Variants in PKD2L2 observed in about 807,000 individuals in gnomAD.
PKD2L2 encodes the protein polycystin 2 like 2, transient receptor potential cation channel, also known as polycystin-2-like protein 2.
PKD2L2 carries 67 observed loss-of-function variants against 83.9 expected under a neutral mutation model. The ratio of observed to expected loss-of-function variants is 0.80; its 90% confidence interval spans 0.66 to 0.98. The LOEUF (loss-of-function observed/expected upper bound fraction) is 0.98, where lower values mean the gene tolerates loss of function less well. PKD2L2 is among the 50% of genes least tolerant of loss of function. The pLI is 0.00. For missense variants in PKD2L2, 632 were observed against 717.2 expected (o/e 0.88, Z 1.36); for synonymous variants, 223 against 237.8 (o/e 0.94, Z 0.57).
In PKD2L2 at chr5:137,935,844, G is replaced by GA; in HGVS notation, c.1724dup (p.Tyr576ValfsTer9). On this transcript the variant is annotated frameshift_variant, in exon 13 of 15. Transcript: ENST00000508883. LOFTEE classifies it high-confidence loss of function. Reference sequence around the variant, plus strand: ...TGAAAAAATGGAAAGAGAGGCTTGAGAAAAAGTATTATTCTATGGAAATTC... The same window carrying GA: ...TGAAAAAATGGAAAGAGAGGCTTGAGAAAAAAGTATTATTCTATGGAAATTC... The GA allele has an allele frequency of 6.2e-7, 1 of 1,612,042 alleles. No individual in the cohort carries two copies. Among genetic ancestry groups the GA allele is most frequent in the Non-Finnish European group, 8.5e-7 (1 of 1,178,248 alleles).
intron 12 of PKD2L2, among the ~76,000 whole-genome samples, chr5:137,932,208 C>T (rs1342546356): frequency 9.2e-5 from 14 of 151,852 alleles, no homozygotes; most frequent in African/African-American, 2.7e-4. Context: ...ATTAGCCAGG[C>T]GTGGTGGTGT....
At chr5:137,915,573 C>T (rs1758253115) in intron 8 of PKD2L2, among the ~76,000 whole-genome samples, 1 of 152,188 alleles carries the variant, frequency 6.6e-6, no homozygotes, top group Non-Finnish European at 1.5e-5. Flanking sequence ...CAGGCGTGCG[C>T]CACCATGCCC....
chr5:137,916,836 A>G (rs1758402375), intron 8 of PKD2L2, among the ~76,000 whole-genome samples: 1 of 152,016 alleles, frequency 6.6e-6, no homozygotes, highest in Non-Finnish European at 1.5e-5. Context: ...TGTAGTCTTC[A>G]AAGTTTCTGA....
rs142646452 is a variant in PKD2L2, at chr5:137,928,250, A to C, written c.1671+2321A>C. Among the ~76,000 whole-genome samples the C allele has an allele frequency of 1.2e-3, 187 of 151,406 alleles. 4 individuals are homozygous for C. Among genetic ancestry groups the C allele is most frequent in the Middle Eastern group, 0.011 (3 of 280 alleles). ...TCTATTAGAGGATGAGCATCAGCCA[A>C]CCAAGAGATGACTGGAGAGGCTGGG... On this transcript the variant is annotated intron_variant, in intron 12 of 14. Transcript: ENST00000508883.
chr5:137,906,417 G>C lies in PKD2L2; in HGVS notation c.958G>C (p.Glu320Gln), dbSNP rs746359484. The C allele has an allele frequency of 1.9e-5, 31 of 1,593,680 alleles. No individual in the cohort carries two copies. The highest frequency in any genetic ancestry group is 2.7e-5 in the Non-Finnish European group (31 of 1,163,882). The part of the protein sequence containing the change: ...AYFKSIWNWL[E>Q]LLLLLLCFVA... ...TTTCAAAAGTATTTGGAACTGGCTAGAATTGCTACTTTTGCTGGTGAGTAT... is the reference window on the plus strand; with the variant it reads ...TTTCAAAAGTATTTGGAACTGGCTACAATTGCTACTTTTGCTGGTGAGTAT... Residue 320 changes from glutamate (E) to glutamine (Q), a missense_variant, in exon 6 of 15, where the codon GAA (glutamate) becomes CAA (glutamine). By Grantham distance (29) the Glu-to-Gln change is conservative. Around this residue, in one of 3 missense-constraint regions of PKD2L2, gnomAD observed 399 missense variants for 416.9 expected, o/e 0.96. Coordinates refer to ENST00000508883, the MANE Select transcript of PKD2L2 (RefSeq NM_001300921.2).
At chr5:137,934,840 G>T (rs1760183326) in intron 12 of PKD2L2, among the ~76,000 whole-genome samples, 1 of 151,954 alleles carries the variant, frequency 6.6e-6, no homozygotes, top group Non-Finnish European at 1.5e-5. Context: ...CCGAGATCGT[G>T]CCACTGCACT....
chr5:137,937,535 C>T (rs1363792502), intron 14 of PKD2L2, among the ~76,000 whole-genome samples: 1 of 152,198 alleles, frequency 6.6e-6, no homozygotes, highest in Non-Finnish European at 1.5e-5. Context: ...CATATGTTCT[C>T]TTAGCCCAAG....
chr5:137,937,417 G>GT (rs1416527156), intron 14 of PKD2L2, among the ~76,000 whole-genome samples: 1 of 152,190 alleles, frequency 6.6e-6, no homozygotes, highest in African/African-American at 2.4e-5. Flanking sequence ...TGAGGATGCT[G>GT]TAACAGCCTT....
At chr5:137,907,141 A>T (rs1757435010) in intron 6 of PKD2L2, among the ~76,000 whole-genome samples, 1 of 152,210 alleles carries the variant, frequency 6.6e-6, no homozygotes, top group Non-Finnish European at 1.5e-5. Context: ...TCCCAAAAAC[A>T]GATTGAAGGT....
rs377093424 is a variant in PKD2L2 at position 137,899,638 on chromosome 5, T to C, written c.647T>C (p.Ile216Thr). 6 of 1,613,454 alleles carry C rather than the reference T, an allele frequency of 3.7e-6. No homozygotes were observed. Among genetic ancestry groups the C allele is most frequent in the Admixed American group, 3.3e-5 (2 of 60,004 alleles). ...KSKSETKNKFIDLRLNSWITR... is the reference protein window; with the variant it reads ...KSKSETKNKFTDLRLNSWITR... ...AAATCTGAAACCAAAAACAAGTTCA[T>C]TGACCTTCGACTGAACAGCTGGATC... The change falls in exon 5 of 15, where the codon ATT becomes ACT. Residue 216 changes from isoleucine (I) to threonine (T), a missense_variant. Physicochemically the swap from Ile to Thr is moderately conservative, Grantham distance 89 (BLOSUM62 -1). This residue lies in a region of PKD2L2 where 229 missense variants were observed against 281.5 expected (regional missense o/e 0.81). Transcript: ENST00000508883.
chr5:137,927,675 C>T (rs1392477861), intron 12 of PKD2L2, among the ~76,000 whole-genome samples: 20 of 152,154 alleles, frequency 1.3e-4, no homozygotes. Context: ...ATGGAGCATT[C>T]GTGTTGGTGG....
Position 137,906,281 on chromosome 5 carries a change from T to C in PKD2L2, c.822T>C (p.Tyr274=). 2 of 1,611,876 alleles carry C rather than the reference T, an allele frequency of 1.2e-6. No individual in the cohort carries two copies. Among genetic ancestry groups the C allele is most frequent in the Non-Finnish European group, 1.7e-6 (2 of 1,178,048 alleles). Residue 274 remains tyrosine, a synonymous_variant, in exon 6 of 15, where the codon TAT becomes TAC. Transcript: ENST00000508883. ...WQFYSVKLLR[Y]VSYYDYFIAS... is the part of the protein sequence containing the mutation. ...TTTACTCTGTGAAGCTCCTCAGATA[T>C]GTTAGCTACTATGACTATTTTATTG...
rs1757367400 is a variant in PKD2L2 at position 137,906,378 on chromosome 5, T to C, written c.919T>C (p.Phe307Leu). 1 of 1,611,096 alleles carries C rather than the reference T, an allele frequency of 6.2e-7. No homozygotes were observed. Among genetic ancestry groups the C allele is most frequent in the Admixed American group, 1.7e-5 (1 of 59,924 alleles). ...TTQEVKKIKE[F>L]KSAYFKSIWN... ...ACAAGAAGTCAAAAAAATAAAAGAA[T>C]TTAAGTCTGCCTATTTCAAAAGTAT... Residue 307 changes from phenylalanine (F) to leucine (L), a missense_variant, in exon 6 of 15, where the codon TTT becomes CTT. By Grantham distance (22) the Phe-to-Leu change is conservative. Transcript: ENST00000508883.
chr5:137,900,354 G>A (rs896307602), intron 5 of PKD2L2, among the ~76,000 whole-genome samples: 11 of 152,136 alleles, frequency 7.2e-5, no homozygotes, highest in East Asian at 3.8e-4. Context: ...GTTTTTTATC[G>A]TATTTAGTGC....
intron 8 of PKD2L2, among the ~76,000 whole-genome samples, chr5:137,920,925 G>A (rs1324270373): frequency 1.3e-5 from 2 of 152,244 alleles, no homozygotes; most frequent in African/African-American, 4.8e-5. Context: ...GAAAGTTTAG[G>A]GCTCTTGGGT....
chr5:137,915,913 A>G (rs1274804072), intron 8 of PKD2L2, among the ~76,000 whole-genome samples: 6 of 152,202 alleles, frequency 3.9e-5, no homozygotes, highest in Non-Finnish European at 2.9e-5. Flanking sequence ...CTAAACTTGT[A>G]GGATTCCTTT....
At chr5:137,898,444 T>C (rs1756670715) in intron 4 of PKD2L2, among the ~76,000 whole-genome samples, 1 of 152,238 alleles carries the variant, frequency 6.6e-6, no homozygotes, top group African/African-American at 2.4e-5. Flanking sequence ...TTGATAGTTT[T>C]GTCCTACTCA....
chr5:137,889,640 C>A, intron 1 of PKD2L2, 118 bp downstream of exon 1: 2 of 789,594 alleles, frequency 2.5e-6, no homozygotes. Context: ...ACACCTTTAG[C>A]CCTCACAGCC....
At chr5:137,926,847 T>G (rs1379848652) in intron 12 of PKD2L2, among the ~76,000 whole-genome samples, 1 of 152,196 alleles carries the variant, frequency 6.6e-6, no homozygotes, top group Non-Finnish European at 1.5e-5. Context: ...GACTTTTCCC[T>G]ATATGTGGGT....
Sources: allele counts gnomAD v4.1 joint callset (sites outside exome capture counted in the v4.1 genomes callset), GRCh38; gene constraint gnomAD v4.1.1; regional missense constraint gnomAD v4.1.1; transcripts MANE v1.5; gene names NCBI Gene and HGNC (gene_info 2026-07-23, HGNC 2026-07-21).